Variants in CAMTA1 observed in about 807,000 individuals in gnomAD.
CAMTA1 encodes the protein calmodulin-binding transcription activator 1.
Under a neutral mutation model 170.9 loss-of-function variants are expected in CAMTA1, and 27 were observed. The ratio of observed to expected loss-of-function variants is 0.16; its 90% CI spans 0.12 to 0.22. The LOEUF is 0.22. Among genes scored for constraint, CAMTA1 ranks in the 10% least tolerant of loss-of-function variants. The probability of loss-of-function intolerance (pLI) is 1.00; values close to 1 mark genes in which losing one functional copy is unlikely to be tolerated. For synonymous variants in CAMTA1, 833 were observed against 891.5 expected, an observed-to-expected ratio of 0.93 and a Z score of 1.17; for missense variants, 1,619 against 2,217.2, an observed-to-expected ratio of 0.73 and a Z score of 5.42.
intron 2 of CAMTA1, among the ~76,000 whole-genome samples, chr1:6,823,688 A>G (rs1458293767): frequency 6.6e-6 from 1 of 152,184 alleles, no homozygotes; most frequent in Non-Finnish European, 1.5e-5. Flanking sequence ...ATCAGATGAA[A>G]AATGTTTGGA....
chr1:6,847,658 G>A (rs1305158835), intron 3 of CAMTA1, among the ~76,000 whole-genome samples: 5 of 151,420 alleles, frequency 3.3e-5, no homozygotes, highest in East Asian at 1.9e-4. Flanking sequence ...TCCTGCCTCA[G>A]CCTCCCTAGT....
intron 4 of CAMTA1, among the ~76,000 whole-genome samples, chr1:7,096,975 G>A (rs1328496662): frequency 6.6e-6 from 1 of 152,078 alleles, no homozygotes; most frequent in African/African-American, 2.4e-5. Flanking sequence ...CTACAACTGG[G>A]GAGCTGCTGG....
chr1:6,877,331 G>C (rs1051839774), intron 3 of CAMTA1, among the ~76,000 whole-genome samples: 1 of 152,170 alleles, frequency 6.6e-6, no homozygotes, highest in African/African-American at 2.4e-5. Flanking sequence ...ACCACCAAGT[G>C]GGCTGCTTTA....
chr1:7,579,851 C>T (rs2095243725), intron 6 of CAMTA1, among the ~76,000 whole-genome samples: 3 of 152,206 alleles, frequency 2.0e-5, no homozygotes, highest in Non-Finnish European at 2.9e-5. Flanking sequence ...TGAGCCACCG[C>T]GCCCAGCCTT....
chr1:7,640,598 G>T, intron 7 of CAMTA1, 45 bp downstream of exon 7: 2 of 1,612,350 alleles, frequency 1.2e-6, no homozygotes, highest in South Asian at 1.1e-5. Context: ...TGGGAACCAG[G>T]CTGGCATCAA....
chr1:6,877,081 CTGAG>C (rs1670105421), intron 3 of CAMTA1, among the ~76,000 whole-genome samples: 1 of 152,182 alleles, frequency 6.6e-6, no homozygotes, highest in African/African-American at 2.4e-5. Context: ...GTGTCCTTAG[CTGAG>C]TGAGAGTTGG....
intron 3 of CAMTA1, among the ~76,000 whole-genome samples, chr1:7,089,572 TCCCATCCCATC>T (rs1641212406): frequency 7.4e-6 from 1 of 134,772 alleles, no homozygotes; most frequent in Non-Finnish European, 1.6e-5. Context: ...TCCCATCCCA[TCCCATCCCATC>T]CCATCCATCC....
intron 4 of CAMTA1, among the ~76,000 whole-genome samples, chr1:7,099,629 C>T (rs1642484918): frequency 6.6e-6 from 1 of 152,230 alleles, no homozygotes; most frequent in Non-Finnish European, 1.5e-5. Flanking sequence ...CACTGCCTGG[C>T]TCTTCCTTAC....
At chr1:6,837,321 A>G (rs1056011829) in intron 3 of CAMTA1, among the ~76,000 whole-genome samples, 2 of 152,014 alleles carry the variant, frequency 1.3e-5, no homozygotes, top group Admixed American at 6.6e-5. Flanking sequence ...CGAGGTGCCT[A>G]CCCTCTTAGT....
intron 6 of CAMTA1, among the ~76,000 whole-genome samples, chr1:7,537,343 T>C (rs1258284220): frequency 3.9e-5 from 6 of 152,142 alleles, no homozygotes; most frequent in Admixed American, 3.3e-4. Context: ...CCCCACACCA[T>C]GAAGGACGCT....
chr1:7,514,958 G>T (rs1279161558), intron 6 of CAMTA1, among the ~76,000 whole-genome samples: 1 of 152,182 alleles, frequency 6.6e-6, no homozygotes, highest in Non-Finnish European at 1.5e-5. Flanking sequence ...TGAGAGCCAG[G>T]TGGTCCTCCT....
chr1:7,453,289 T>C (rs963366460), intron 5 of CAMTA1, among the ~76,000 whole-genome samples: 1 of 152,194 alleles, frequency 6.6e-6, no homozygotes, highest in African/African-American at 2.4e-5. Flanking sequence ...ACGGGGTGAC[T>C]GTGGCTTTGG....
In CAMTA1 at chr1:7,216,123, C is replaced by T. The variant is rs564862246; in HGVS notation, c.303-33368C>T. On this transcript the variant is annotated intron_variant, in intron 4 of 22. Transcript: ENST00000303635. This position sits in a 1 kb window ranked among gnomAD's most constrained non-coding sequence, Gnocchi z 4.0. ...TGGCAGAAGGCGAAGGGGAAGCCCG[C>T]GTGTCCTGCGTGGCTGGAGCAGGAG... is the stretch of plus-strand genomic sequence containing the variant. Among the ~76,000 whole-genome samples the T allele has an allele frequency of 6.6e-5, 10 of 152,284 alleles. No individual in the cohort carries two copies. Among genetic ancestry groups the T allele is most frequent in the Non-Finnish European group, 5.9e-5 (4 of 68,020 alleles).
chr1:6,787,602 A>G (rs147456607), intron 1 of CAMTA1, among the ~76,000 whole-genome samples: 44 of 152,320 alleles, frequency 2.9e-4, no homozygotes, highest in East Asian at 1.2e-3. Flanking sequence ...AATGATACAG[A>G]TAGATATTAA....
In CAMTA1 at chr1:7,580,266, G is replaced by C. The variant is rs1351791712; in HGVS notation, c.511-60134G>C. ...GGGGCTGTGGAGGCTGAGGCTCCTG[G>C]GGGGTTGTCCACATCTGGACCGTGG... On this transcript the variant is annotated intron_variant, in intron 6 of 22. Coordinates refer to ENST00000303635, the MANE Select transcript of CAMTA1 (RefSeq NM_015215.4). This position sits in a 1 kb window ranked among gnomAD's most constrained non-coding sequence, Gnocchi z 4.3. Among the ~76,000 whole-genome samples the C allele has an allele frequency of 6.6e-6, 1 of 152,154 alleles. No individual in the cohort carries two copies. Among genetic ancestry groups the C allele is most frequent in the Non-Finnish European group, 1.5e-5 (1 of 68,032 alleles).
chr1:7,203,831 C>A (rs557005908), intron 4 of CAMTA1, among the ~76,000 whole-genome samples: 1 of 147,298 alleles, frequency 6.8e-6, no homozygotes, highest in South Asian at 2.2e-4. Flanking sequence ...CTTTACTTTT[C>A]TTTCTTTTTT....
chr1:7,543,828 C>T (rs2094647844), intron 6 of CAMTA1, among the ~76,000 whole-genome samples: 1 of 119,162 alleles, frequency 8.4e-6, no homozygotes, highest in African/African-American at 3.4e-5. Context: ...GTGCTGGCAG[C>T]GAGCAGAACT....
At chr1:7,076,651 A>G (rs1205098712) in intron 3 of CAMTA1, among the ~76,000 whole-genome samples, 3 of 152,086 alleles carry the variant, frequency 2.0e-5, no homozygotes, top group African/African-American at 7.2e-5. Flanking sequence ...ACCCAGGCTC[A>G]TGTCTTTGGG....
chr1:7,073,649 C>G (rs886640584), intron 3 of CAMTA1, among the ~76,000 whole-genome samples: 5 of 152,144 alleles, frequency 3.3e-5, no homozygotes, highest in African/African-American at 9.7e-5. Context: ...AGAGGGTTAT[C>G]AAAAGATGCT....
Sources: allele counts gnomAD v4.1 joint callset (sites outside exome capture counted in the v4.1 genomes callset), GRCh38; gene constraint gnomAD v4.1.1; non-coding constraint Gnocchi (gnomAD v3.1); transcripts MANE v1.5; gene names NCBI Gene and HGNC (gene_info 2026-07-23, HGNC 2026-07-21).